The following CASD1 variants were observed in gnomAD, a reference collection of about 807,000 sequenced individuals.
CASD1 encodes the protein N-acetylneuraminate (7)9-O-acetyltransferase.
A neutral mutation model predicts 100.0 loss-of-function variants in CASD1; 41 were observed. The ratio of observed to expected loss-of-function variants is 0.41; its 90% confidence interval spans 0.32 to 0.53. CASD1 has a LOEUF of 0.53. Ranked by LOEUF, CASD1 falls within the 20% of genes least tolerant of loss-of-function variation. The pLI is 0.25. For missense variants in CASD1, 774 were observed against 948.7 expected (o/e 0.82, Z 2.42); for synonymous variants, 321 against 315.6 (o/e 1.02, Z -0.18).
At chr7:94,517,496 C>T in intron 1 of CASD1, 64 bp from the exon 2 acceptor site, 1 of 1,000,002 alleles carries the variant, frequency 1.0e-6, no homozygotes, top group South Asian at 1.5e-5. Context: ...TATATAGGGT[C>T]AAGATAGCCG....
intron 3 of CASD1, among the ~76,000 whole-genome samples, chr7:94,518,575 C>G (rs1447147430): frequency 6.6e-6 from 1 of 152,046 alleles, no homozygotes; most frequent in Non-Finnish European, 1.5e-5. Flanking sequence ...TAAATTCTTA[C>G]CATGGAAAAA....
intron 5 of CASD1, among the ~76,000 whole-genome samples, chr7:94,531,968 C>T (rs887677431): frequency 6.6e-6 from 1 of 151,998 alleles, no homozygotes; most frequent in African/African-American, 2.4e-5. Flanking sequence ...CACAGGGTGG[C>T]AGGCAGGAAT....
intron 8 of CASD1, 123 bp from the exon 9 acceptor site, chr7:94,537,349 T>G: frequency 2.5e-6 from 2 of 814,982 alleles, no homozygotes; most frequent in Admixed American, 2.4e-5. Flanking sequence ...TGGGAAATGG[T>G]AGCAAAAGAT....
chr7:94,623,218 A>G, the CASD1 span: 4 of 650,288 alleles, frequency 6.2e-6, no homozygotes, highest in Non-Finnish European at 8.1e-6. Flanking sequence ...CATCAGTTAT[A>G]TTAGGTATGT....
downstream of CASD1, among the ~76,000 whole-genome samples, chr7:94,558,573 G>T (rs1374814566): frequency 6.6e-6 from 1 of 152,144 alleles, no homozygotes; most frequent in Non-Finnish European, 1.5e-5. Context: ...TCTCTGCAAA[G>T]ACATTCAAAA....
At chr7:94,524,797 G>A (rs1260803657) in intron 3 of CASD1, among the ~76,000 whole-genome samples, 1 of 152,048 alleles carries the variant, frequency 6.6e-6, no homozygotes, top group Non-Finnish European at 1.5e-5. Flanking sequence ...TAAACTGACT[G>A]AGCTGTGCAA....
intron 1 of CASD1, among the ~76,000 whole-genome samples, chr7:94,513,059 G>T (rs927761102): frequency 6.6e-6 from 1 of 152,126 alleles, no homozygotes; most frequent in Non-Finnish European, 1.5e-5. Flanking sequence ...AATTCAGGCC[G>T]GGCGCAGTGG....
chr7:94,515,085 T>A (rs1340934264), intron 1 of CASD1, among the ~76,000 whole-genome samples: 1 of 152,118 alleles, frequency 6.6e-6, no homozygotes, highest in Non-Finnish European at 1.5e-5. Context: ...CTACTATTTT[T>A]ATAATTTTGC....
intron 1 of CASD1, among the ~76,000 whole-genome samples, chr7:94,513,666 G>T (rs866164562): frequency 2.0e-5 from 3 of 152,170 alleles, no homozygotes; most frequent in African/African-American, 7.2e-5. Flanking sequence ...ATTGGTATCT[G>T]CCTACCCACA....
At position 94,525,202 on chromosome 7, in the gene CASD1, G is replaced by T. The variant is rs143494122; in HGVS notation, c.352-1960G>T. ...GGTTGGTAAAAGGTTTTGGGCGTTC[G>T]TTTAATTCTGTCAGCTTTGCTATAA... On this transcript the variant is annotated intron_variant, in intron 3 of 17. Transcript: ENST00000297273. Among the ~76,000 whole-genome samples, 678 of 152,232 alleles carry T rather than the reference G, an allele frequency of 4.5e-3. 2 individuals are homozygous for T. The highest frequency in any genetic ancestry group is 8.0e-3 in the Non-Finnish European group (544 of 67,974).
chr7:94,603,305 C>T, the CASD1 span: 1 of 1,612,228 alleles, frequency 6.2e-7, no homozygotes, highest in Non-Finnish European at 8.5e-7. Context: ...AAATTTTGCA[C>T]CAGTCAATGT....
chr7:94,565,937 A>T, the CASD1 span, among the ~76,000 whole-genome samples: 288 of 152,302 alleles, frequency 1.9e-3, 2 homozygotes, highest in African/African-American at 6.7e-3. Flanking sequence ...ATGTAGTTTC[A>T]AGAAAGTCTT....
At chr7:94,593,480 T>C in the CASD1 span, among the ~76,000 whole-genome samples, 1 of 151,990 alleles carries the variant, frequency 6.6e-6, no homozygotes, top group Non-Finnish European at 1.5e-5. Context: ...ACAGCATACC[T>C]CACTACAAAT....
rs138867564 is a variant in CASD1 at position 94,555,564 on chromosome 7, C to A, written c.2200C>A (p.Pro734Thr). The change falls in exon 18 of 18, where the codon CCT becomes ACT. Residue 734 changes from proline to threonine, a missense_variant. Coordinates refer to ENST00000297273, the MANE Select transcript of CASD1 (RefSeq NM_022900.5). Reference sequence around the variant, plus strand: ...TATCTTGGTACTGATACCTGGAAACCCTATGCTCAACATCATTGTCAGCAC... The same window carrying A: ...TATCTTGGTACTGATACCTGGAAACACTATGCTCAACATCATTGTCAGCAC... ...RGILVLIPGN[P>T]MLNIIVSTFI... is the part of the protein sequence containing the mutation. The A allele has an allele frequency of 5.0e-6, 8 of 1,613,262 alleles. No individual in the cohort carries two copies. The highest frequency in any genetic ancestry group is 6.8e-6 in the Non-Finnish European group (8 of 1,179,640).
At chr7:94,552,290 G>A in intron 15 of CASD1, 60 bp from the exon 16 acceptor site, 2 of 1,091,890 alleles carry the variant, frequency 1.8e-6, no homozygotes, top group Non-Finnish European at 2.8e-6. Context: ...AAAACACTGT[G>A]AGGCTTATGC....
At chr7:94,605,312 TAA>T in the CASD1 span, among the ~76,000 whole-genome samples, 430 of 150,186 alleles carry the variant, frequency 2.9e-3, 2 homozygotes, top group Non-Finnish European at 3.6e-3. Context: ...GAAAATGATA[TAA>T]GTCAGAAACT....
chr7:94,523,414 A>G (rs1208316385), intron 3 of CASD1, among the ~76,000 whole-genome samples: 3 of 152,218 alleles, frequency 2.0e-5, no homozygotes, highest in African/African-American at 7.2e-5. Flanking sequence ...CTACATGCCA[A>G]CAATGTAAAG....
the CASD1 span, chr7:94,618,659 C>A: frequency 0.72 from 704,781 of 973,460 alleles, 257,467 homozygotes; most frequent in African/African-American, 0.92. Context: ...CTTATTAAAA[C>A]GAAAAATGCA....
intron 13 of CASD1, among the ~76,000 whole-genome samples, chr7:94,548,547 T>C (rs772732210): frequency 5.3e-5 from 8 of 151,844 alleles, no homozygotes; most frequent in Non-Finnish European, 1.2e-4. Context: ...GATTTTGATA[T>C]AACCTATTTT....
Sources: gnomAD v4.1 joint callset for allele counts (sites outside exome capture counted in the v4.1 genomes callset) on GRCh38, gnomAD v4.1.1 for gene constraint, MANE v1.5 for transcripts, NCBI Gene and HGNC (gene_info 2026-07-23, HGNC 2026-07-21) for gene names.